Variants in ANKS1B observed in about 807,000 individuals in gnomAD.
ANKS1B encodes the protein ankyrin repeat and sterile alpha motif domain-containing protein 1B.
In ANKS1B, 36 loss-of-function variants were observed where a neutral mutation model predicts 148.3. That is an observed-to-expected ratio of 0.24 (90% CI 0.19 to 0.32). The LOEUF is 0.32. Ranked by LOEUF, ANKS1B falls within the 10% of genes least tolerant of loss-of-function variation. The pLI, the probability that ANKS1B is intolerant of heterozygous loss-of-function variation, is 1.00. For synonymous variants in ANKS1B, 542 were observed against 560.8 expected (o/e 0.97, Z 0.47); for missense variants, 1,157 against 1,542.6 (o/e 0.75, Z 4.19).
downstream of ANKS1B, among the ~76,000 whole-genome samples, chr12:98,743,466 T>TATC (rs2097820815): frequency 6.6e-6 from 1 of 152,204 alleles, no homozygotes; most frequent in Admixed American, 6.5e-5. Flanking sequence ...TTATTGAAGT[T>TATC]ATCAATGTAT....
At chr12:99,669,580 A>C (rs1365475765) in intron 8 of ANKS1B, among the ~76,000 whole-genome samples, 1 of 152,098 alleles carries the variant, frequency 6.6e-6, no homozygotes, top group African/African-American at 2.4e-5. Flanking sequence ...AGTTACTTGA[A>C]TGATTGTTGG....
chr12:99,768,848 A>C (rs1392896514), intron 8 of ANKS1B, among the ~76,000 whole-genome samples: 2 of 148,948 alleles, frequency 1.3e-5, no homozygotes, highest in Non-Finnish European at 3.0e-5. Context: ...AAAAAAAAAA[A>C]CACATCAGGA....
intron 10 of ANKS1B, among the ~76,000 whole-genome samples, chr12:99,487,398 T>C (rs1032325541): frequency 1.4e-4 from 21 of 152,340 alleles, no homozygotes; most frequent in African/African-American, 5.1e-4. Flanking sequence ...ACCATCATCA[T>C]GACATAGACA....
intron 16 of ANKS1B, among the ~76,000 whole-genome samples, chr12:99,061,853 C>T (rs576928241): frequency 2.0e-5 from 3 of 152,252 alleles, no homozygotes; most frequent in Admixed American, 6.5e-5. Flanking sequence ...GCTTCATTTC[C>T]TTTAACTGTG....
chr12:99,098,100 T>C (rs900510142), intron 15 of ANKS1B, among the ~76,000 whole-genome samples: 2 of 152,228 alleles, frequency 1.3e-5, no homozygotes, highest in African/African-American at 2.4e-5. Context: ...TTTTATCCTC[T>C]GAACAATTCT....
At chr12:99,082,111 C>A (rs1348738114) in intron 16 of ANKS1B, among the ~76,000 whole-genome samples, 1 of 152,086 alleles carries the variant, frequency 6.6e-6, no homozygotes, top group African/African-American at 2.4e-5. Flanking sequence ...TACTATGTGA[C>A]AGGTGCTATT....
intron 1 of ANKS1B, among the ~76,000 whole-genome samples, chr12:99,916,255 A>G (rs1264083025): frequency 2.6e-5 from 4 of 152,210 alleles, no homozygotes; most frequent in African/African-American, 9.6e-5. Context: ...AAGTGCTGCC[A>G]TATAACAGAG....
intron 16 of ANKS1B, among the ~76,000 whole-genome samples, chr12:99,071,515 T>A (rs2046264949): frequency 1.3e-5 from 2 of 152,236 alleles, no homozygotes; most frequent in Non-Finnish European, 2.9e-5. Context: ...ACTGTCAAGA[T>A]CTGACTGCTC....
chr12:99,443,903 C>T lies in ANKS1B; in HGVS notation c.1439-94G>A, dbSNP rs1398333664. 4 of 1,379,086 alleles carry T rather than the reference C, an allele frequency of 2.9e-6. No individual in the cohort carries two copies. The East Asian group carries it at 9.4e-5, about 32-fold the overall frequency. 85.4% of individuals were successfully genotyped at this position (1,379,086 alleles called of 1,614,324 possible). ...TTCTGAACATAAATTGAGATTTCAA[C>T]TTTTAAAACTGGTATCAATTACAAG... On this transcript the variant is annotated intron_variant, in intron 10 of 26. Coordinates refer to ENST00000683438, the MANE Select transcript of ANKS1B (RefSeq NM_001352186.2).
At chr12:98,909,888 G>A (rs1160157098) in intron 17 of ANKS1B, among the ~76,000 whole-genome samples, 1 of 152,218 alleles carries the variant, frequency 6.6e-6, no homozygotes, top group African/African-American at 2.4e-5. Flanking sequence ...CTTTCAGCAA[G>A]TACCAGCTTT....
intron 14 of ANKS1B, among the ~76,000 whole-genome samples, chr12:99,158,866 T>C (rs1294564735): frequency 1.3e-5 from 2 of 152,096 alleles, no homozygotes; most frequent in Admixed American, 6.6e-5. Context: ...GCATGGGATC[T>C]CATCAAAAGG....
rs935891308 is a variant in ANKS1B, at chr12:99,397,956, G to A, written c.1756+1675C>T. On this transcript the variant is annotated intron_variant, in intron 12 of 26. Transcript: ENST00000683438. ...GAGATTCCAGGCAGAAGGAAACAAA[G>A]TGCAAAAGCCCCAGGGCTAGAATGT... is the stretch of plus-strand genomic sequence containing the variant. Among the ~76,000 whole-genome samples, 4 of 152,062 alleles carry A rather than the reference G, an allele frequency of 2.6e-5. No individual in the cohort carries two copies. The East Asian group carries it at 7.7e-4, about 29-fold the overall frequency.
chr12:99,438,007 C>A (rs563309964), intron 11 of ANKS1B, among the ~76,000 whole-genome samples: 2 of 152,016 alleles, frequency 1.3e-5, no homozygotes, highest in Non-Finnish European at 2.9e-5. Context: ...ACATTTTGGT[C>A]TCTCTTCTCC....
intron 10 of ANKS1B, among the ~76,000 whole-genome samples, chr12:99,453,750 T>C (rs1182185896): frequency 6.6e-6 from 1 of 152,246 alleles, no homozygotes; most frequent in Non-Finnish European, 1.5e-5. Flanking sequence ...GTTTATAACA[T>C]GGCCAACATG....
At chr12:99,277,191 C>A (rs1245149413) in intron 12 of ANKS1B, among the ~76,000 whole-genome samples, 5 of 152,182 alleles carry the variant, frequency 3.3e-5, no homozygotes, top group Non-Finnish European at 7.3e-5. Context: ...AGCACTCCCC[C>A]TCATCCATTC....
intron 11 of ANKS1B, among the ~76,000 whole-genome samples, chr12:99,442,512 G>GT (rs34542762): frequency 0.42 from 63,317 of 151,218 alleles, 15,079 homozygotes; most frequent in African/African-American, 0.65. Flanking sequence ...ATATACTAAA[G>GT]TAAAAAAAAA....
intron 1 of ANKS1B, among the ~76,000 whole-genome samples, chr12:99,937,147 T>C (rs888660322): frequency 3.3e-5 from 5 of 152,184 alleles, no homozygotes; most frequent in Non-Finnish European, 7.4e-5. Flanking sequence ...CCCAGGGGCA[T>C]GCTTCTTGAA....
chr12:98,735,302 TC>T (rs1160485194), exon 10 of ANKS1B: 3 of 400,884 alleles, frequency 7.5e-6, no homozygotes, highest in African/African-American at 6.2e-5. Context: ...ACATTATATG[TC>T]TCTTGTATGT....
At chr12:98,944,312 A>AAAAC (rs2099841819) in intron 17 of ANKS1B, among the ~76,000 whole-genome samples, 1 of 151,240 alleles carries the variant, frequency 6.6e-6, no homozygotes, top group Non-Finnish European at 1.5e-5. Context: ...CAAAAAAAAA[A>AAAAC]AAAAAAAAAG....
Sources: allele counts gnomAD v4.1 joint callset (sites outside exome capture counted in the v4.1 genomes callset), GRCh38; gene constraint gnomAD v4.1.1; transcripts MANE v1.5; gene names NCBI Gene and HGNC (gene_info 2026-07-23, HGNC 2026-07-21).